Variants in THSD7B observed in about 807,000 individuals in gnomAD.
The protein encoded by THSD7B is thrombospondin type 1 domain containing 7B, also known as thrombospondin type-1 domain-containing protein 7B.
In THSD7B, 138 loss-of-function variants were observed where a neutral mutation model predicts 213.6. That is an observed-to-expected ratio of 0.65 (90% CI 0.56 to 0.74). The LOEUF is 0.74. Among genes scored for constraint, THSD7B ranks in the 30% least tolerant of loss-of-function variants. The pLI is 0.00. For synonymous variants in THSD7B, 742 were observed against 687.0 expected (o/e 1.08, Z -1.25); for missense variants, 1,931 against 1,991.5 (o/e 0.97, Z 0.58).
chr2:137,312,169 T>G (rs1683931345), intron 12 of THSD7B, among the ~76,000 whole-genome samples: 1 of 152,182 alleles, frequency 6.6e-6, no homozygotes, highest in Non-Finnish European at 1.5e-5. Flanking sequence ...TATTGATTAT[T>G]GCCACAATTT....
At chr2:137,220,051 G>T (rs1255042268) in intron 7 of THSD7B, among the ~76,000 whole-genome samples, 1 of 152,106 alleles carries the variant, frequency 6.6e-6, no homozygotes, top group East Asian at 1.9e-4. Flanking sequence ...AAAATTATAT[G>T]TTCTAATACA....
chr2:137,080,290 T>C (rs1687718575), intron 3 of THSD7B, among the ~76,000 whole-genome samples: 1 of 151,102 alleles, frequency 6.6e-6, no homozygotes, highest in South Asian at 2.1e-4. Context: ...AACCTCTGCC[T>C]CCTGGATTCA....
At chr2:137,110,041 A>C (rs1432223) in intron 4 of THSD7B, among the ~76,000 whole-genome samples, 110,603 of 152,032 alleles carry the variant, frequency 0.73, 41,316 homozygotes, top group Non-Finnish European at 0.81. Flanking sequence ...CACTTGCCCA[A>C]CATCCTTATG....
At chr2:137,447,642 A>AT (rs983512128) in intron 14 of THSD7B, among the ~76,000 whole-genome samples, 16 of 149,508 alleles carry the variant, frequency 1.1e-4, no homozygotes, top group South Asian at 4.3e-4. Flanking sequence ...CTATTGGAGC[A>AT]TTTTTTTTTC....
At chr2:137,676,358 A>G (rs1009287125) in intron 27 of THSD7B, among the ~76,000 whole-genome samples, 166 bp from the exon 28 acceptor site, 6 of 152,208 alleles carry the variant, frequency 3.9e-5, no homozygotes, top group African/African-American at 1.4e-4. Flanking sequence ...CTTAACAAAC[A>G]GAGGGTGAAA....
At chr2:137,551,433 C>G (rs1239479902) in intron 15 of THSD7B, among the ~76,000 whole-genome samples, 1 of 152,078 alleles carries the variant, frequency 6.6e-6, no homozygotes, top group Non-Finnish European at 1.5e-5. Context: ...CACCAACATG[C>G]CTCAGATTAT....
intron 3 of THSD7B, among the ~76,000 whole-genome samples, chr2:137,058,701 T>A (rs969828177): frequency 3.9e-5 from 6 of 152,146 alleles, no homozygotes; most frequent in African/African-American, 1.4e-4. Flanking sequence ...ATGAGTGTAA[T>A]GTTTTTAGGA....
intron 14 of THSD7B, among the ~76,000 whole-genome samples, chr2:137,442,169 C>A (rs1687426335): frequency 6.6e-6 from 1 of 151,902 alleles, no homozygotes; most frequent in Non-Finnish European, 1.5e-5. Context: ...TATTGTGAGT[C>A]CTTTTTTAAA....
intron 3 of THSD7B, among the ~76,000 whole-genome samples, chr2:137,075,292 T>A (rs911777741): frequency 1.3e-5 from 2 of 152,334 alleles, no homozygotes; most frequent in African/African-American, 4.8e-5. Flanking sequence ...TTTCTTTTTA[T>A]TCTTTTTTCT....
chr2:137,217,873 A>G (rs964830107), intron 7 of THSD7B, among the ~76,000 whole-genome samples: 2 of 152,160 alleles, frequency 1.3e-5, no homozygotes, highest in Non-Finnish European at 2.9e-5. Flanking sequence ...GACTTAAGAC[A>G]TTATGCAACC....
intron 12 of THSD7B, among the ~76,000 whole-genome samples, chr2:137,405,198 C>CAAAA (rs34776165): frequency 0.011 from 1,511 of 140,252 alleles, 19 homozygotes; most frequent in East Asian, 0.034. Context: ...TCTAAACAAG[C>CAAAA]AAAAAAAAAA....
intron 21 of THSD7B, among the ~76,000 whole-genome samples, chr2:137,646,281 G>GCTT (rs762736367): frequency 1.2e-4 from 18 of 152,130 alleles, no homozygotes; most frequent in Non-Finnish European, 2.5e-4. Context: ...GCCTGAAGGA[G>GCTT]CTTCTTCTTC....
intron 6 of THSD7B, among the ~76,000 whole-genome samples, chr2:137,162,729 T>C (rs1308093581): frequency 6.6e-6 from 1 of 151,542 alleles, no homozygotes; most frequent in African/African-American, 2.4e-5. Flanking sequence ...TTCCTTCCTT[T>C]CTTCCTCCCT....
At chr2:137,173,264 A>T (rs1380391955) in intron 7 of THSD7B, among the ~76,000 whole-genome samples, 1 of 152,216 alleles carries the variant, frequency 6.6e-6, no homozygotes, top group East Asian at 1.9e-4. Context: ...ACATGAAAAT[A>T]ATAAGGAGGA....
intron 2 of THSD7B, among the ~76,000 whole-genome samples, chr2:136,937,530 C>G (rs138583626): frequency 6.6e-6 from 1 of 152,116 alleles, no homozygotes; most frequent in South Asian, 2.1e-4. Context: ...TAATTGTTCA[C>G]GCATTGATAT....
intron 15 of THSD7B, among the ~76,000 whole-genome samples, chr2:137,521,069 G>T (rs149422429): frequency 6.6e-6 from 1 of 152,068 alleles, no homozygotes; most frequent in African/African-American, 2.4e-5. Context: ...TAGTATCACC[G>T]GAGCAGGTGT....
chr2:136,858,312 C>T (rs1683205737), intron 1 of THSD7B, among the ~76,000 whole-genome samples: 2 of 152,214 alleles, frequency 1.3e-5, no homozygotes, highest in African/African-American at 2.4e-5. Flanking sequence ...AAATAAGGCC[C>T]ATTGTAAAAA....
chr2:136,906,352 G>T (rs13017842), intron 2 of THSD7B: 1 of 152,026 alleles, frequency 6.6e-6, no homozygotes, highest in Non-Finnish European at 1.5e-5. Flanking sequence ...ACATGTGTTT[G>T]TATATCATCT....
At chr2:137,069,973 C>G (rs1170267923) in intron 3 of THSD7B, among the ~76,000 whole-genome samples, 1 of 151,010 alleles carries the variant, frequency 6.6e-6, no homozygotes, top group East Asian at 1.9e-4. Flanking sequence ...GGATTATTTT[C>G]CAGTTAGAGA....
Sources: gnomAD v4.1 joint callset for allele counts (sites outside exome capture counted in the v4.1 genomes callset) on GRCh38, gnomAD v4.1.1 for gene constraint, MANE v1.5 for transcripts, NCBI Gene and HGNC (gene_info 2026-07-23, HGNC 2026-07-21) for gene names.